ASTN2: variants seen among roughly 807,000 people sequenced by gnomAD.
ASTN2 encodes the protein astrotactin 2, also known as astrotactin-2.
ASTN2 carries 54 observed loss-of-function variants against 139.8 expected under a neutral mutation model. The ratio of observed to expected loss-of-function variants is 0.39; its 90% CI spans 0.31 to 0.48. ASTN2 has a LOEUF of 0.48. ASTN2 is among the 20% of genes least tolerant of loss of function. The pLI, the probability that ASTN2 is intolerant of heterozygous loss-of-function variation, is 0.95. For missense variants in ASTN2, 1,565 were observed against 1,725.1 expected (o/e 0.91, Z 1.64); for synonymous variants, 756 against 719.5 (o/e 1.05, Z -0.81).
chr9:116,830,878 T>G (rs9802784), intron 11 of ASTN2, among the ~76,000 whole-genome samples: 120,107 of 151,364 alleles, frequency 0.79, 47,861 homozygotes, highest in East Asian at 0.91. Context: ...CGAGTGCTAT[T>G]TCATAATAGC....
chr9:116,461,642 C>G (rs1281144974), intron 20 of ASTN2, among the ~76,000 whole-genome samples: 1 of 152,120 alleles, frequency 6.6e-6, no homozygotes, highest in South Asian at 2.1e-4. Context: ...CCTTCTCCAG[C>G]CTTCTCTTCC....
intron 19 of ASTN2, among the ~76,000 whole-genome samples, chr9:116,502,130 T>C (rs141457124): frequency 7.7e-4 from 116 of 150,156 alleles, no homozygotes; most frequent in African/African-American, 2.7e-3. Flanking sequence ...CAGAGAGAGG[T>C]AGATTTCCAA....
chr9:116,486,103 A>T (rs939598574), intron 20 of ASTN2, among the ~76,000 whole-genome samples: 1 of 152,252 alleles, frequency 6.6e-6, no homozygotes, highest in Non-Finnish European at 1.5e-5. Context: ...AGAGACCTAT[A>T]GGGGTAAAGC....
chr9:116,933,941 T>TGGGGC (rs1554762411), intron 10 of ASTN2, among the ~76,000 whole-genome samples: 1 of 146,474 alleles, frequency 6.8e-6, no homozygotes, highest in Non-Finnish European at 1.5e-5. Context: ...CTGAATATGG[T>TGGGGC]GGGGCCCTGG....
At chr9:117,001,977 A>C (rs1328555433) in intron 7 of ASTN2, among the ~76,000 whole-genome samples, 4 of 152,214 alleles carry the variant, frequency 2.6e-5, no homozygotes, top group Admixed American at 2.0e-4. Flanking sequence ...TCTTGCTTGA[A>C]TTGAATCTAA....
intron 4 of ASTN2, among the ~76,000 whole-genome samples, chr9:117,116,683 T>C (rs940309908): frequency 1.3e-5 from 2 of 151,576 alleles, no homozygotes; most frequent in African/African-American, 4.8e-5. Context: ...AAACTGCTCT[T>C]TCCAAGCTAG....
In ASTN2 at chr9:116,781,529, A is replaced by G. The variant is rs184183812; in HGVS notation, c.2396+24103T>C. ...ATTTCCTGGCAATTTGTGTCGGTCC[A>G]CAAGCCCAGCAGAGAAAAGTCTTAC... On this transcript the variant is annotated intron_variant, in intron 13 of 22. Transcript: ENST00000313400. Among the ~76,000 whole-genome samples the G allele has an allele frequency of 2.1e-3, 314 of 152,274 alleles. 1 individual carries two copies. Among genetic ancestry groups the G allele is most frequent in the Middle Eastern group, 3.4e-3 (1 of 294 alleles).
In ASTN2 at chr9:116,915,162, T is replaced by C. The variant is rs2132426556; in HGVS notation, c.1890-51429A>G. 3.3e-5 allele frequency among the ~76,000 whole-genome samples: 5 copies of C among 152,286 alleles called. No individual in the cohort carries two copies. The South Asian group carries it at 1.0e-3, about 32-fold the overall frequency. ...TCCCCATTAAGATATGTCAATGCCATTGAATACAAAGCAAATATCTGGGCT... is the reference window on the plus strand; with the variant it reads ...TCCCCATTAAGATATGTCAATGCCACTGAATACAAAGCAAATATCTGGGCT... On this transcript the variant is annotated intron_variant, in intron 10 of 22. Transcript: ENST00000313400.
chr9:117,083,035 G>C (rs1587943593), intron 5 of ASTN2, among the ~76,000 whole-genome samples: 1 of 152,024 alleles, frequency 6.6e-6, no homozygotes, highest in Admixed American at 6.6e-5. Flanking sequence ...TCACAGTTTG[G>C]AATAATATAT....
intron 1 of ASTN2, among the ~76,000 whole-genome samples, chr9:117,320,670 G>A (rs1828297341): frequency 6.6e-6 from 1 of 152,054 alleles, no homozygotes; most frequent in Non-Finnish European, 1.5e-5. Flanking sequence ...TCCTTTCAAG[G>A]CACTCTGGGG....
intron 4 of ASTN2, among the ~76,000 whole-genome samples, chr9:117,109,413 C>T (rs1829194844): frequency 6.6e-6 from 1 of 152,022 alleles, no homozygotes; most frequent in Non-Finnish European, 1.5e-5. Flanking sequence ...AACTCTTGTT[C>T]CTGCCTTGAT....
chr9:116,723,938 C>G (rs1367567946), intron 16 of ASTN2, among the ~76,000 whole-genome samples: 1 of 139,486 alleles, frequency 7.2e-6, no homozygotes, highest in African/African-American at 2.7e-5. Context: ...GGGGACCCCT[C>G]CAGCTGTTGT....
At chr9:116,426,201 T>TGGAGTAGATAGGAA in intron 22 of ASTN2, 113 bp from the exon 23 acceptor site, 8 of 1,346,704 alleles carry the variant, frequency 5.9e-6, no homozygotes, top group African/African-American at 1.4e-5. Flanking sequence ...ATTTCCTATC[T>TGGAGTAGATAGGAA]ACTCCAGATT....
At chr9:116,723,055 C>T (rs1720776983) in intron 16 of ASTN2, among the ~76,000 whole-genome samples, 1 of 152,052 alleles carries the variant, frequency 6.6e-6, no homozygotes, top group Non-Finnish European at 1.5e-5. Flanking sequence ...GTCCCAGCTA[C>T]TCCGGGGACT....
chr9:116,674,276 T>G (rs1859370988), intron 16 of ASTN2, among the ~76,000 whole-genome samples: 1 of 152,174 alleles, frequency 6.6e-6, no homozygotes, highest in Admixed American at 6.5e-5. Context: ...AGACCCCAGC[T>G]GCATGACAGA....
intron 19 of ASTN2, among the ~76,000 whole-genome samples, chr9:116,596,929 T>C (rs896165186): frequency 4.6e-5 from 7 of 152,066 alleles, no homozygotes; most frequent in Non-Finnish European, 1.0e-4. Flanking sequence ...GTAACAAGCT[T>C]GGTGTGTCTA....
At chr9:116,627,109 T>C (rs1856506650) in intron 17 of ASTN2, among the ~76,000 whole-genome samples, 6 of 152,170 alleles carry the variant, frequency 3.9e-5, no homozygotes, top group South Asian at 4.1e-4. Flanking sequence ...TCAAAGAATG[T>C]AGAATTAAGT....
chr9:117,394,993 G>A (rs930082782), intron 1 of ASTN2, among the ~76,000 whole-genome samples: 1 of 152,176 alleles, frequency 6.6e-6, no homozygotes, highest in African/African-American at 2.4e-5. Flanking sequence ...AACGAGGAAA[G>A]AGCATGGGGG....
rs116673515 is a variant in ASTN2 at position 116,492,657 on chromosome 9, C to T, written c.3356-5157G>A. Among the ~76,000 whole-genome samples, 724 of 152,252 alleles carry T rather than the reference C, an allele frequency of 4.8e-3. 9 individuals carry two copies. The highest frequency in any genetic ancestry group is 0.017 in the African/African-American group (692 of 41,548). The stretch of plus-strand genomic sequence containing the variant: ...CAAAGCTAACACAGGAGCCCTTCCT[C>T]CCCAATTTCTGACCACTTTATTCAA... On this transcript the variant is annotated intron_variant, in intron 19 of 22. Transcript: ENST00000313400.
Sources: gnomAD v4.1 joint callset for allele counts (sites outside exome capture counted in the v4.1 genomes callset) on GRCh38, gnomAD v4.1.1 for gene constraint, MANE v1.5 for transcripts, NCBI Gene and HGNC (gene_info 2026-07-23, HGNC 2026-07-21) for gene names.